SCN9A: variants seen among roughly 807,000 people sequenced by gnomAD.
The protein encoded by SCN9A is sodium voltage-gated channel alpha subunit 9.
A neutral mutation model predicts 187.0 loss-of-function variants in SCN9A; 131 were observed. The ratio of observed to expected loss-of-function variants is 0.70; its 90% CI spans 0.61 to 0.81. The LOEUF (loss-of-function observed/expected upper bound fraction) is 0.81. SCN9A is among the 30% of genes least tolerant of loss of function. The pLI is 0.00. For synonymous variants in SCN9A, 809 were observed against 808.6 expected (o/e 1.00, Z -0.01); for missense variants, 2,252 against 2,396.6 (o/e 0.94, Z 1.26).
At chr2:166,264,448 G>A (rs1367442458) in intron 17 of SCN9A, among the ~76,000 whole-genome samples, 5 of 151,950 alleles carry the variant, frequency 3.3e-5, no homozygotes, top group Non-Finnish European at 7.4e-5. Flanking sequence ...ATAACAGCAT[G>A]TCTTTCTTGA....
Position 166,232,130 on chromosome 2 carries a change from A to T in SCN9A, c.3924+1210T>A, listed in dbSNP as rs576458275. ...AACAGAGGCATAAAATAGCAGGTAT[A>T]AATCTGGAGAAGAAATTTTAGAGGA... On this transcript the variant is annotated intron_variant, in intron 21 of 26. Coordinates refer to ENST00000642356, the MANE Select transcript of SCN9A (RefSeq NM_001365536.1). Among the ~76,000 whole-genome samples the T allele has an allele frequency of 1.3e-5, 2 of 152,286 alleles. 1 individual carries two copies. The highest frequency in any genetic ancestry group is 4.1e-4 in the South Asian group (2 of 4,824).
At chr2:166,212,636 T>C (rs1218784987) in intron 24 of SCN9A, among the ~76,000 whole-genome samples, 1 of 152,166 alleles carries the variant, frequency 6.6e-6, no homozygotes, top group Admixed American at 6.5e-5. Flanking sequence ...ATAGACCAAA[T>C]GGATCACAAA....
chr2:166,375,421 A>G (rs932729421), intron 1 of SCN9A, among the ~76,000 whole-genome samples: 6 of 152,212 alleles, frequency 3.9e-5, no homozygotes, highest in African/African-American at 1.4e-4. Context: ...TCCTTTCCAC[A>G]GTTTCAGAAC....
At chr2:166,329,464 C>A (rs1699443488) in intron 1 of SCN9A, among the ~76,000 whole-genome samples, 1 of 151,392 alleles carries the variant, frequency 6.6e-6, no homozygotes, top group African/African-American at 2.4e-5. Context: ...CAACATGATG[C>A]TATTGGATAC....
chr2:166,359,139 TA>T (rs1463644849), intron 1 of SCN9A, among the ~76,000 whole-genome samples: 1 of 152,186 alleles, frequency 6.6e-6, no homozygotes, highest in Non-Finnish European at 1.5e-5. Flanking sequence ...TTAATTACCC[TA>T]TTTGCATAAA....
chr2:166,207,730 C>G (rs1693882432), intron 24 of SCN9A, among the ~76,000 whole-genome samples: 2 of 152,152 alleles, frequency 1.3e-5, no homozygotes, highest in African/African-American at 2.4e-5. Flanking sequence ...CGTGAGCCAC[C>G]ATATCCGGCC....
At chr2:166,284,958 C>G (rs563712463) in intron 11 of SCN9A, 134 bp from the exon 12 acceptor site, 1 of 924,176 alleles carries the variant, frequency 1.1e-6, no homozygotes, top group Non-Finnish European at 1.6e-6. Context: ...TACTTAAAAA[C>G]GAAGCAATTC....
In SCN9A at chr2:166,195,564, A is replaced by G. The variant is rs899883386; in HGVS notation, c.*3108T>C. 1.3e-5 allele frequency: 2 copies of G among 152,160 alleles called. No individual in the cohort carries two copies. The highest frequency in any genetic ancestry group is 4.8e-5 in the African/African-American group (2 of 41,450). The allele number at this position is 152,160 out of a possible 1,614,324, so 9.4% of individuals were successfully genotyped here. A position where few individuals can be genotyped will look rare whatever the true frequency, so the allele number is the denominator to read the frequency against. On this transcript the variant is annotated 3_prime_UTR_variant, in exon 27 of 27. Coordinates refer to ENST00000642356, the MANE Select transcript of SCN9A (RefSeq NM_001365536.1). ...ATAGCTATTTAGAACTGCTTTATTT[A>G]CATATGCATTTTATTTTCACTCTTT...
At chr2:166,364,143 G>T (rs1250819945) in intron 1 of SCN9A, among the ~76,000 whole-genome samples, 1 of 149,056 alleles carries the variant, frequency 6.7e-6, no homozygotes, top group Non-Finnish European at 1.5e-5. Flanking sequence ...CTTCACACTT[G>T]GTCGGATGGT....
intron 1 of SCN9A, among the ~76,000 whole-genome samples, chr2:166,323,706 T>G (rs1699297855): frequency 6.6e-6 from 1 of 152,122 alleles, no homozygotes; most frequent in African/African-American, 2.4e-5. Context: ...CCAATTCTAT[T>G]GTGGCTCAGT....
intron 23 of SCN9A, 135 bp from the exon 24 acceptor site, chr2:166,226,839 G>T: frequency 2.0e-6 from 1 of 505,866 alleles, no homozygotes; most frequent in Non-Finnish European, 3.3e-6. Context: ...GCATTGTTGA[G>T]GTTTAACATA....
At chr2:166,292,715 A>G (rs1440446489) in intron 9 of SCN9A, among the ~76,000 whole-genome samples, 1 of 152,208 alleles carries the variant, frequency 6.6e-6, no homozygotes, top group Non-Finnish European at 1.5e-5. Context: ...TTGCAATACA[A>G]GAGATCAATG....
At chr2:166,297,318 A>G (rs532542475) in intron 7 of SCN9A, among the ~76,000 whole-genome samples, 6 of 151,838 alleles carry the variant, frequency 4.0e-5, no homozygotes, top group African/African-American at 1.4e-4. Context: ...ATGAATGTTT[A>G]CAGCAACATT....
chr2:166,261,231 T>C (rs1409589397), intron 17 of SCN9A, among the ~76,000 whole-genome samples: 1 of 151,904 alleles, frequency 6.6e-6, no homozygotes, highest in Non-Finnish European at 1.5e-5. Context: ...TTCCAAGGTA[T>C]CTTACCAAGA....
chr2:166,228,046 T>C (rs1694914414), intron 22 of SCN9A, among the ~76,000 whole-genome samples: 1 of 152,104 alleles, frequency 6.6e-6, no homozygotes, highest in South Asian at 2.1e-4. Flanking sequence ...TAAAGGGTTC[T>C]CCATGCCTGT....
chr2:166,290,517 A>G (rs1029551942), intron 9 of SCN9A, among the ~76,000 whole-genome samples: 20 of 152,136 alleles, frequency 1.3e-4, no homozygotes, highest in Admixed American at 1.3e-4. Context: ...TGTTGAACTA[A>G]TTTACACTCC....
intron 23 of SCN9A, 43 bp from the exon 24 acceptor site, chr2:166,226,747 T>C: frequency 1.4e-6 from 2 of 1,439,342 alleles, no homozygotes; most frequent in Non-Finnish European, 1.9e-6. Context: ...ACAGTAACAT[T>C]CATTATTTTC....
At chr2:166,361,514 TG>T (rs1342519221) in intron 1 of SCN9A, among the ~76,000 whole-genome samples, 1 of 152,120 alleles carries the variant, frequency 6.6e-6, no homozygotes, top group Non-Finnish European at 1.5e-5. Context: ...CTACAGGATG[TG>T]GGCCTTGCTT....
At chr2:166,231,997 C>T (rs1297692052) in intron 21 of SCN9A, among the ~76,000 whole-genome samples, 1 of 152,080 alleles carries the variant, frequency 6.6e-6, no homozygotes, top group East Asian at 1.9e-4. Context: ...AGTTATGTCT[C>T]CTGGTGGACG....
Sources: allele counts gnomAD v4.1 joint callset (sites outside exome capture counted in the v4.1 genomes callset), GRCh38; gene constraint gnomAD v4.1.1; transcripts MANE v1.5; gene names NCBI Gene and HGNC (gene_info 2026-07-23, HGNC 2026-07-21).